The following CDIN1 variants were observed in gnomAD, a reference collection of about 807,000 sequenced individuals.
CDIN1 encodes the protein CDAN1-interacting nuclease 1.
CDIN1 carries 33 observed loss-of-function variants against 45.3 expected under a neutral mutation model. The ratio of observed to expected loss-of-function variants is 0.73; its 90% CI spans 0.55 to 0.97. The LOEUF (loss-of-function observed/expected upper bound fraction) is 0.97. Ranked by LOEUF, CDIN1 falls within the 50% of genes least tolerant of loss-of-function variation. The pLI, the probability that CDIN1 is intolerant of heterozygous loss-of-function variation, is 0.00. For missense variants in CDIN1, 303 were observed against 339.4 expected, an observed-to-expected ratio of 0.89 and a Z score of 0.84; for synonymous variants, 118 against 124.4, an observed-to-expected ratio of 0.95 and a Z score of 0.34.
chr15:36,691,892 C>T, intron 6 of CDIN1, 128 bp downstream of exon 6: 1 of 803,214 alleles, frequency 1.2e-6, no homozygotes, highest in South Asian at 1.7e-5. Context: ...CCATAAATGG[C>T]AATGCAGTAT....
At position 36,618,197 on chromosome 15, in the gene CDIN1, C is replaced by CA. The variant is rs199931822; in HGVS notation, c.102-26072dup. 1,971 of 652,780 alleles carry CA rather than the reference C, an allele frequency of 3.0e-3. 4 individuals carry two copies. Among genetic ancestry groups the CA allele is most frequent in the African/African-American group, 7.8e-3 (426 of 54,450 alleles). The allele number at this position is 652,780 out of a possible 1,614,324, so 40.4% of individuals were successfully genotyped here. Reference sequence around the variant, plus strand: ...TGCTATGAATATGGGTCGACCATTCCAAAAAAAAACCTGAAGCCTCATTTT... The same window carrying CA: ...TGCTATGAATATGGGTCGACCATTCCAAAAAAAAAACCTGAAGCCTCATTTT... On this transcript the variant is annotated intron_variant, in intron 1 of 10. Coordinates refer to ENST00000566621, the MANE Select transcript of CDIN1 (RefSeq NM_001321759.2).
At chr15:36,762,042 A>G (rs2193000) in intron 10 of CDIN1, among the ~76,000 whole-genome samples, 80,472 of 152,022 alleles carry the variant, frequency 0.53, 22,287 homozygotes, top group East Asian at 0.93. Flanking sequence ...GCAATTCTAG[A>G]ATATCAGTAG....
intron 5 of CDIN1, among the ~76,000 whole-genome samples, chr15:36,685,854 A>G (rs570129218): frequency 6.6e-6 from 1 of 152,294 alleles, no homozygotes; most frequent in Non-Finnish European, 1.5e-5. Flanking sequence ...TCAAAACCAC[A>G]ATGAGATACC....
chr15:36,664,029 A>G (rs529818682), intron 5 of CDIN1, among the ~76,000 whole-genome samples: 2 of 152,344 alleles, frequency 1.3e-5, no homozygotes, highest in South Asian at 4.1e-4. Context: ...CAATGAAAGT[A>G]ATAAAGGAAA....
intron 5 of CDIN1, among the ~76,000 whole-genome samples, chr15:36,660,783 G>A (rs551093940): frequency 7.9e-5 from 12 of 152,276 alleles, no homozygotes; most frequent in South Asian, 4.1e-4. Flanking sequence ...GATAGGATAC[G>A]TATTTTGAGT....
chr15:36,608,995 A>T (rs2038517713), intron 1 of CDIN1, among the ~76,000 whole-genome samples: 1 of 151,870 alleles, frequency 6.6e-6, no homozygotes, highest in Non-Finnish European at 1.5e-5. Context: ...ATAGATAGAT[A>T]GATAGATAGA....
chr15:36,785,720 G>A (rs1476940591), intron 10 of CDIN1, among the ~76,000 whole-genome samples: 1 of 152,178 alleles, frequency 6.6e-6, no homozygotes, highest in Admixed American at 6.5e-5. Flanking sequence ...CCTCTCAGGA[G>A]TTCCAATACT....
At chr15:36,591,233 TAAAA>T (rs1248810920) in intron 1 of CDIN1, among the ~76,000 whole-genome samples, 2 of 152,146 alleles carry the variant, frequency 1.3e-5, no homozygotes, top group Middle Eastern at 3.2e-3. Flanking sequence ...TGGCACTTTT[TAAAA>T]AAAATTTGTT....
At chr15:36,698,721 GCATCA>G (rs764576958) in intron 8 of CDIN1, among the ~76,000 whole-genome samples, 30 of 152,268 alleles carry the variant, frequency 2.0e-4, no homozygotes, top group Non-Finnish European at 4.4e-4. Context: ...CAACTAAGCA[GCATCA>G]TTGTCAGAGC....
At chr15:36,743,018 T>C (rs758751940) in intron 10 of CDIN1, among the ~76,000 whole-genome samples, 6 of 152,108 alleles carry the variant, frequency 3.9e-5, no homozygotes, top group Non-Finnish European at 8.8e-5. Flanking sequence ...CAGACCAAAT[T>C]ACCTGGCATG....
chr15:36,792,421 C>T (rs570419595), intron 10 of CDIN1, among the ~76,000 whole-genome samples: 9 of 152,184 alleles, frequency 5.9e-5, no homozygotes, highest in African/African-American at 1.9e-4. Flanking sequence ...AACTGTTAGC[C>T]GTTCACCTCG....
At chr15:36,617,891 G>T in intron 1 of CDIN1, 1 of 772,250 alleles carries the variant, frequency 1.3e-6, no homozygotes, top group Non-Finnish European at 2.4e-6. Context: ...GCCAATTATG[G>T]CAAGGATAAA....
At chr15:36,604,349 C>T (rs894916678) in intron 1 of CDIN1, among the ~76,000 whole-genome samples, 1 of 146,204 alleles carries the variant, frequency 6.8e-6, no homozygotes, top group African/African-American at 2.5e-5. Flanking sequence ...ATTTGATTAC[C>T]ATGTAGACCC....
intron 10 of CDIN1, among the ~76,000 whole-genome samples, chr15:36,739,501 C>A (rs2044156702): frequency 6.6e-6 from 1 of 152,158 alleles, no homozygotes; most frequent in African/African-American, 2.4e-5. Context: ...TACTGGGAAG[C>A]CCACTGCAAT....
chr15:36,707,916 A>C (rs1237919462), intron 8 of CDIN1: 9 of 152,126 alleles, frequency 5.9e-5, no homozygotes, highest in Non-Finnish European at 1.3e-4. Context: ...TCAATAGTTA[A>C]CTTGAGATTT....
At chr15:36,589,581 C>G (rs573576323) in intron 1 of CDIN1, among the ~76,000 whole-genome samples, 58 of 151,884 alleles carry the variant, frequency 3.8e-4, no homozygotes, top group Non-Finnish European at 1.9e-4. Flanking sequence ...TCTCGGCTCA[C>G]TGCAAGCTCC....
At chr15:36,800,913 A>C (rs866835720) in intron 10 of CDIN1, among the ~76,000 whole-genome samples, 1 of 71,838 alleles carries the variant, frequency 1.4e-5, no homozygotes, top group East Asian at 4.7e-4. Flanking sequence ...GTGTGTGTAT[A>C]TATATATATA....
At chr15:36,787,477 T>G (rs1180642497) in intron 10 of CDIN1, among the ~76,000 whole-genome samples, 2 of 152,240 alleles carry the variant, frequency 1.3e-5, no homozygotes, top group Admixed American at 1.3e-4. Context: ...AGGACTACTT[T>G]TCTAGCCCTT....
At chr15:36,583,827 T>C (rs2037162739) in intron 1 of CDIN1, among the ~76,000 whole-genome samples, 3 of 152,064 alleles carry the variant, frequency 2.0e-5, no homozygotes. Flanking sequence ...CCATCCTGGC[T>C]AACACAGTGA....
Sources: allele counts gnomAD v4.1 joint callset (sites outside exome capture counted in the v4.1 genomes callset), GRCh38; gene constraint gnomAD v4.1.1; transcripts MANE v1.5; gene names NCBI Gene and HGNC (gene_info 2026-07-23, HGNC 2026-07-21).